Variants in CNOT6 observed in about 807,000 individuals in gnomAD.
CNOT6 encodes the protein carbon catabolite repression 4 protein.
CNOT6 carries 12 observed loss-of-function variants against 61.2 expected under a neutral mutation model. That is an observed-to-expected ratio of 0.20 (90% CI 0.13 to 0.32). CNOT6 has a LOEUF of 0.32. Ranked by LOEUF, CNOT6 falls within the 10% of genes least tolerant of loss-of-function variation. The pLI is 1.00. For synonymous variants in CNOT6, 225 were observed against 240.6 expected (o/e 0.94, Z 0.60); for missense variants, 405 against 663.9 (o/e 0.61, Z 4.28).
chr5:180,496,845 T>G (rs1212553891), intron 1 of CNOT6, among the ~76,000 whole-genome samples: 1 of 152,212 alleles, frequency 6.6e-6, no homozygotes, highest in Non-Finnish European at 1.5e-5. Context: ...CCCAAGCGGC[T>G]CCTCTTGAAT....
At chr5:180,567,768 G>T (rs1242853255) in intron 8 of CNOT6, 81 bp from the exon 9 acceptor site, 1 of 1,599,786 alleles carries the variant, frequency 6.3e-7, no homozygotes, top group East Asian at 2.2e-5. Flanking sequence ...AAGGAAGTTT[G>T]GGAAAACTGC....
At position 180,496,274 on chromosome 5, in the gene CNOT6, T is replaced by G. The variant is rs116317175; in HGVS notation, c.-3+1511T>G. ...AAAAATTGCTTAATATCTTTAGATC[T>G]GTGATCTACTCCAGGTGTTTTGCTT... On this transcript the variant is annotated intron_variant, in intron 1 of 11. Transcript: ENST00000261951. Among the ~76,000 whole-genome samples the G allele has an allele frequency of 2.5e-3, 383 of 152,338 alleles. 1 individual carries two copies. The highest frequency in any genetic ancestry group is 8.7e-3 in the African/African-American group (363 of 41,574).
chr5:180,500,335 C>T (rs1399380510), intron 1 of CNOT6, among the ~76,000 whole-genome samples: 1 of 152,116 alleles, frequency 6.6e-6, no homozygotes, highest in East Asian at 1.9e-4. Context: ...TGGTCTCACA[C>T]TCCTGGGCTC....
At chr5:180,505,356 C>T (rs1396606945) in intron 1 of CNOT6, among the ~76,000 whole-genome samples, 3 of 134,188 alleles carry the variant, frequency 2.2e-5, no homozygotes, top group African/African-American at 8.6e-5. Flanking sequence ...CCCAGGTTCA[C>T]GCCATTCTCC....
rs1761073334 is a variant in CNOT6 at position 180,577,768 on chromosome 5, C to T, written c.*3568C>T. On this transcript the variant is annotated 3_prime_UTR_variant, in exon 12 of 12. Coordinates refer to ENST00000261951, the MANE Select transcript of CNOT6 (RefSeq NM_001370472.1). The stretch of plus-strand genomic sequence containing the variant: ...TAAGCTCAAAGAATGTCACATCCGC[C>T]CAGACAGCTCTTTGATGAGGGTGAT... 6.6e-6 allele frequency: 1 copy of T among 152,612 alleles called. No homozygotes were observed. The highest frequency in any genetic ancestry group is 6.5e-5 in the Admixed American group (1 of 15,276). 9.5% of individuals were successfully genotyped at this position (152,612 alleles called of 1,614,324 possible).
chr5:180,543,070 T>C (rs1384538614), intron 2 of CNOT6, among the ~76,000 whole-genome samples: 1 of 152,160 alleles, frequency 6.6e-6, no homozygotes, highest in Non-Finnish European at 1.5e-5. Context: ...TTTATTTATT[T>C]ATTTTTGAGA....
At position 180,526,661 on chromosome 5, in the gene CNOT6, A is replaced by G. The variant is rs1019438034; in HGVS notation, c.-2-2614A>G. Among the ~76,000 whole-genome samples the G allele has an allele frequency of 3.3e-5, 5 of 152,156 alleles. No individual in the cohort carries two copies. In the South Asian group the frequency reaches 8.3e-4, roughly 25 times the overall value. On this transcript the variant is annotated intron_variant, in intron 1 of 11. Coordinates refer to ENST00000261951, the MANE Select transcript of CNOT6 (RefSeq NM_001370472.1). ...GCTGACTGGCTCACTTTAAACTTAC[A>G]TGGTCATAGGCTTTTCTCCAGCTAT...
At position 180,510,267 on chromosome 5, in the gene CNOT6, C is replaced by G. The variant is rs575280745; in HGVS notation, c.-3+15504C>G. Among the ~76,000 whole-genome samples the G allele has an allele frequency of 2.7e-5, 4 of 149,416 alleles. No homozygotes were observed. In the Admixed American group the frequency reaches 2.7e-4, roughly 10 times the overall value. ...ATAGCCTCAAACTCCTGGGCTCAGC[C>G]TATCCTCCTACCTCAGCCTTCCGAG... On this transcript the variant is annotated intron_variant, in intron 1 of 11. Transcript: ENST00000261951.
At chr5:180,505,481 C>T (rs969510849) in intron 1 of CNOT6, among the ~76,000 whole-genome samples, 17 of 149,854 alleles carry the variant, frequency 1.1e-4, no homozygotes, top group African/African-American at 4.2e-4. Flanking sequence ...TGGTCTCGAT[C>T]TCCTGACCTC....
intron 4 of CNOT6, among the ~76,000 whole-genome samples, chr5:180,554,768 A>G (rs930559475): frequency 2.0e-5 from 3 of 152,204 alleles, no homozygotes; most frequent in South Asian, 2.1e-4. Flanking sequence ...GACTGCCAGA[A>G]TTAACAGTGA....
intron 1 of CNOT6, among the ~76,000 whole-genome samples, chr5:180,500,565 G>GC (rs2127689905): frequency 6.6e-6 from 1 of 152,012 alleles, no homozygotes; most frequent in East Asian, 1.9e-4. Context: ...CTCCTGAGTA[G>GC]CTGGGACTAC....
At chr5:180,555,893 C>G (rs1759860501) in intron 4 of CNOT6, among the ~76,000 whole-genome samples, 1 of 152,184 alleles carries the variant, frequency 6.6e-6, no homozygotes, top group South Asian at 2.1e-4. Flanking sequence ...GCAGGCTTCA[C>G]TTTTTCCCCC....
chr5:180,553,552 G>C, intron 4 of CNOT6, 81 bp downstream of exon 4: 1 of 1,041,592 alleles, frequency 9.6e-7, no homozygotes, highest in Non-Finnish European at 1.4e-6. Context: ...TTCTGCTAGG[G>C]GATTCTTTTA....
At chr5:180,527,699 G>A (rs974825766) in intron 1 of CNOT6, among the ~76,000 whole-genome samples, 3 of 152,168 alleles carry the variant, frequency 2.0e-5, no homozygotes, top group Admixed American at 6.5e-5. Context: ...AGCACGTAAT[G>A]TCTGGTTGTC....
At chr5:180,534,631 G>A (rs565297017) in intron 2 of CNOT6, 9 of 152,390 alleles carry the variant, frequency 5.9e-5, no homozygotes, top group African/African-American at 2.2e-4. Flanking sequence ...AGAGGCCCTC[G>A]GAATCCACCA....
intron 11 of CNOT6, among the ~76,000 whole-genome samples, chr5:180,573,169 A>G (rs371422924): frequency 6.6e-6 from 1 of 152,128 alleles, no homozygotes; most frequent in African/African-American, 2.4e-5. Context: ...CAGGAAGAAG[A>G]CACTTGAATG....
intron 3 of CNOT6, among the ~76,000 whole-genome samples, chr5:180,552,453 A>G (rs1054169635): frequency 4.0e-5 from 6 of 151,722 alleles, no homozygotes; most frequent in African/African-American, 1.5e-4. Context: ...CATCCTGGCT[A>G]ACACGGTGAA....
At chr5:180,515,346 A>C (rs1477523682) in intron 1 of CNOT6, among the ~76,000 whole-genome samples, 1 of 152,134 alleles carries the variant, frequency 6.6e-6, no homozygotes, top group African/African-American at 2.4e-5. Flanking sequence ...ACTGCACTCT[A>C]GCTTAGGTGA....
chr5:180,558,644 GAGGCGATA>G, intron 4 of CNOT6, among the ~76,000 whole-genome samples: 1 of 140,438 alleles, frequency 7.1e-6, no homozygotes, highest in Non-Finnish European at 1.5e-5. Flanking sequence ...CTAGCTTCTT[GAGGCGATA>G]GCTTAGATTA....
Sources: gnomAD v4.1 joint callset for allele counts (sites outside exome capture counted in the v4.1 genomes callset) on GRCh38, gnomAD v4.1.1 for gene constraint, MANE v1.5 for transcripts, NCBI Gene and HGNC (gene_info 2026-07-23, HGNC 2026-07-21) for gene names.